The following SYTL4 variants were observed in gnomAD, a reference collection of about 807,000 sequenced individuals.
SYTL4 encodes the protein synaptotagmin like 4.
A neutral mutation model predicts 52.7 loss-of-function variants in SYTL4; 16 were observed. That is an observed-to-expected ratio of 0.30 (90% confidence interval 0.21 to 0.46). SYTL4 has a LOEUF of 0.46. SYTL4 is among the 20% of genes least tolerant of loss of function. The pLI is 1.00. For missense variants in SYTL4, 423 were observed against 519.9 expected, an observed-to-expected ratio of 0.81 and a Z score of 1.81; for synonymous variants, 160 against 186.6, an observed-to-expected ratio of 0.86 and a Z score of 1.16.
At chrX:100,701,859 G>C in intron 5 of SYTL4, 69 bp downstream of exon 5, 2 of 910,074 alleles carry the variant, frequency 2.2e-6, no homozygotes, top group Middle Eastern at 5.4e-4. Context: ...TCAGGTGGGA[G>C]ACATAAGGAA....
chrX:100,725,049 A>G (rs1217599284), intron 2 of SYTL4, among the ~76,000 whole-genome samples: 1 of 111,614 alleles, frequency 9.0e-6, no homozygotes, highest in Non-Finnish European at 1.9e-5. Flanking sequence ...AAGAAATACA[A>G]TCTTAACATT....
At chrX:100,710,516 A>G (rs1383147891) in intron 2 of SYTL4, among the ~76,000 whole-genome samples, 2 of 112,207 alleles carry the variant, frequency 1.8e-5, no homozygotes, top group Non-Finnish European at 3.8e-5. Flanking sequence ...AATTGGTCAT[A>G]ATTGGAGATT....
intron 16 of SYTL4, 41 bp downstream of exon 16, chrX:100,685,949 T>C (rs182304593): frequency 1.5e-4 from 173 of 1,147,293 alleles, no homozygotes; most frequent in African/African-American, 1.1e-3. Context: ...CAGACAATTC[T>C]ACCTCAGATC....
intron 16 of SYTL4, among the ~76,000 whole-genome samples, chrX:100,682,827 G>A (rs191981456): frequency 1.8e-5 from 2 of 111,969 alleles, no homozygotes; most frequent in African/African-American, 3.2e-5. Context: ...TTTGATCAAT[G>A]TCTGTCTCTA....
intron 2 of SYTL4, among the ~76,000 whole-genome samples, chrX:100,724,726 A>C (rs1209171075): frequency 9.3e-6 from 1 of 107,226 alleles, no homozygotes; most frequent in Non-Finnish European, 1.9e-5. Flanking sequence ...CAGGGACACA[A>C]ACACTGCGGA....
rs540266881 is a variant in SYTL4 at position 100,720,997 on chromosome X, T to C, written c.-240+10421A>G. ...CTTTCCCTCCTAAACTGCTTAACCATAATTACTTTACACATTACATCAAAT... is the reference window on the plus strand; with the variant it reads ...CTTTCCCTCCTAAACTGCTTAACCACAATTACTTTACACATTACATCAAAT... On this transcript the variant is annotated intron_variant, in intron 2 of 19. Coordinates refer to ENST00000372989, the MANE Select transcript of SYTL4 (RefSeq NM_001370165.1). Among the ~76,000 whole-genome samples, 43 of 111,828 alleles carry C rather than the reference T, an allele frequency of 3.8e-4. 2 individuals are homozygous for C. The South Asian group carries it at 0.016, about 41-fold the overall frequency.
chrX:100,689,896 C>G lies in SYTL4; in HGVS notation c.872G>C (p.Gly291Ala). 8.3e-7 allele frequency: 1 copy of G among 1,210,261 alleles called. No homozygotes were observed. Among genetic ancestry groups the G allele is most frequent in the South Asian group, 1.8e-5 (1 of 56,875 alleles). ...EDVVHESGSL[G>A]DRSKSVPGLN... Reference sequence around the variant, plus strand: ...GCCTGGGACGGATTTGCTTCTGTCTCCCAAGGAGCCACTTTCATGTACCAC... The same window carrying G: ...GCCTGGGACGGATTTGCTTCTGTCTGCCAAGGAGCCACTTTCATGTACCAC... Residue 291 changes from glycine (G) to alanine (A), a missense_variant, in exon 12 of 20, where the codon GGA (glycine) becomes GCA (alanine). Gly to Ala is a moderately conservative substitution (Grantham distance 60, BLOSUM62 0). Transcript: ENST00000372989.
intron 2 of SYTL4, among the ~76,000 whole-genome samples, chrX:100,723,806 G>A (rs1305171123): frequency 1.8e-5 from 2 of 109,049 alleles, no homozygotes; most frequent in Non-Finnish European, 3.8e-5. Context: ...CCCTCCGCCC[G>A]GCAGCCACCC....
intron 19 of SYTL4, 60 bp from the exon 20 acceptor site, chrX:100,676,236 A>G: frequency 1.7e-6 from 2 of 1,167,719 alleles, no homozygotes; most frequent in Non-Finnish European, 2.3e-6. Context: ...ACCAGGGAAG[A>G]TGGGTTGTAC....
chrX:100,721,811 C>CT (rs1218766660), intron 2 of SYTL4, among the ~76,000 whole-genome samples: 33 of 107,624 alleles, frequency 3.1e-4, no homozygotes, highest in South Asian at 2.4e-3. Flanking sequence ...GTTTCTTTCT[C>CT]TTTTTTTTTT....
chrX:100,677,856 T>C (rs1181118986), intron 19 of SYTL4, among the ~76,000 whole-genome samples: 1 of 111,979 alleles, frequency 8.9e-6, no homozygotes, highest in Non-Finnish European at 1.9e-5. Flanking sequence ...GAGACAATTC[T>C]TTCTAAGAAA....
intron 2 of SYTL4, among the ~76,000 whole-genome samples, chrX:100,725,244 G>A (rs1478572687): frequency 8.9e-6 from 1 of 111,827 alleles, no homozygotes; most frequent in Non-Finnish European, 1.9e-5. Context: ...AGGTCACCAG[G>A]GCTAAGAGAG....
At chrX:100,689,429 G>C (rs1164741528) in intron 12 of SYTL4, among the ~76,000 whole-genome samples, 4 of 106,433 alleles carry the variant, frequency 3.8e-5, no homozygotes, top group African/African-American at 1.0e-4. Context: ...CCTGAGGTCA[G>C]GAGTTTGCGA....
At chrX:100,682,349 T>A (rs2083389426) in intron 16 of SYTL4, among the ~76,000 whole-genome samples, 1 of 110,860 alleles carries the variant, frequency 9.0e-6, no homozygotes. Context: ...ATTTGTATGG[T>A]TTTTAAAAAT....
chrX:100,724,733 C>A (rs2084473196), intron 2 of SYTL4, among the ~76,000 whole-genome samples: 2 of 107,280 alleles, frequency 1.9e-5, no homozygotes, highest in Non-Finnish European at 3.9e-5. Context: ...ACAAACACTG[C>A]GGAAGGCCGC....
intron 19 of SYTL4, among the ~76,000 whole-genome samples, chrX:100,677,717 A>G (rs932947174): frequency 8.9e-6 from 1 of 111,920 alleles, no homozygotes; most frequent in African/African-American, 3.3e-5. Flanking sequence ...GGAGTGATCT[A>G]GCATGTTAAA....
intron 13 of SYTL4, 97 bp from the exon 14 acceptor site, chrX:100,687,342 G>C: frequency 4.0e-6 from 3 of 752,813 alleles, no homozygotes; most frequent in Non-Finnish European, 5.9e-6. Flanking sequence ...TCACTGAACA[G>C]AAGTTTCAGA....
intron 2 of SYTL4, among the ~76,000 whole-genome samples, chrX:100,716,301 T>C (rs1254175561): frequency 2.8e-5 from 3 of 105,691 alleles, no homozygotes; most frequent in Non-Finnish European, 5.8e-5. Flanking sequence ...AATACAAAAT[T>C]ACCCTGGCAT....
At chrX:100,730,453 G>A (rs2084619042) in intron 2 of SYTL4, among the ~76,000 whole-genome samples, 1 of 111,347 alleles carries the variant, frequency 9.0e-6, no homozygotes, top group Non-Finnish European at 1.9e-5. Context: ...CTCTGCCTCC[G>A]AGATTTTGAG....
Sources: allele counts gnomAD v4.1 joint callset (sites outside exome capture counted in the v4.1 genomes callset), GRCh38; gene constraint gnomAD v4.1.1; transcripts MANE v1.5; gene names NCBI Gene and HGNC (gene_info 2026-07-23, HGNC 2026-07-21).